The following DOCK8 variants were observed in gnomAD, a reference collection of about 807,000 sequenced individuals.
DOCK8 encodes the protein dedicator of cytokinesis 8.
Under a neutral mutation model 245.6 loss-of-function variants are expected in DOCK8, and 141 were observed. The observed-to-expected ratio is 0.57, with a 90% CI of 0.50 to 0.66. DOCK8 has a LOEUF of 0.66. Among genes scored for constraint, DOCK8 ranks in the 30% least tolerant of loss-of-function variants. The pLI, the probability that DOCK8 is intolerant of heterozygous loss-of-function variation, is 0.00. For missense variants in DOCK8, 2,965 were observed against 2,603.4 expected (o/e 1.14, Z -3.02); for synonymous variants, 1,168 against 970.2 (o/e 1.20, Z -3.79).
rs1478688170 is a variant in DOCK8 at position 328,158 on chromosome 9, A to T, written c.1031A>T (p.Tyr344Phe). ...FSVTYPSSDI[Y>F]LVVKIEKVLQ... ...GTCACCTACCCGTCCTCAGACATCT[A>T]CCTGGTAGTCAAGGTAATTCAGTAC... is the stretch of plus-strand genomic sequence containing the variant. The change falls in exon 9 of 48, where the codon TAC becomes TTC. Residue 344 changes from tyrosine to phenylalanine, a missense_variant. Physicochemically the swap from Tyr to Phe is conservative, Grantham distance 22. Transcript: ENST00000432829. 5 of 1,613,866 alleles carry T rather than the reference A, an allele frequency of 3.1e-6. No individual in the cohort carries two copies. The highest frequency in any genetic ancestry group is 3.3e-5 in the Admixed American group (2 of 60,000).
chr9:302,191 G>T (rs115931046), intron 4 of DOCK8, among the ~76,000 whole-genome samples: 1,571 of 152,242 alleles, frequency 0.01, 22 homozygotes, highest in African/African-American at 0.033. Context: ...CAGAAATAAA[G>T]CTGCACGCCT....
intron 20 of DOCK8, 152 bp downstream of exon 20, chr9:377,363 T>G (rs2053562270): frequency 1.4e-6 from 1 of 714,688 alleles, no homozygotes; most frequent in Admixed American, 3.0e-5. Flanking sequence ...TTATGCTATT[T>G]TTTTTTTGAG....
At chr9:375,771 C>G (rs994248025) in intron 18 of DOCK8, among the ~76,000 whole-genome samples, 2 of 152,120 alleles carry the variant, frequency 1.3e-5, no homozygotes, top group African/African-American at 2.4e-5. Flanking sequence ...CTGAAGTGGG[C>G]AGATCACTTG....
chr9:287,530 C>G (rs1481702469), intron 3 of DOCK8, among the ~76,000 whole-genome samples: 1 of 152,126 alleles, frequency 6.6e-6, no homozygotes, highest in South Asian at 2.1e-4. Flanking sequence ...CTGAGATATT[C>G]TAGTTCTATT....
At position 422,060 on chromosome 9, in the gene DOCK8, T is replaced by A; in HGVS notation, c.4166T>A (p.Phe1389Tyr). 6.2e-7 allele frequency: 1 copy of A among 1,614,056 alleles called. No homozygotes were observed. The highest frequency in any genetic ancestry group is 8.5e-7 in the Non-Finnish European group (1 of 1,179,976). The change falls in exon 33 of 48, where the codon TTT becomes TAT. Residue 1389 changes from phenylalanine to tyrosine, a missense_variant. Phe to Tyr is a conservative substitution (Grantham distance 22). Coordinates refer to ENST00000432829, the MANE Select transcript of DOCK8 (RefSeq NM_203447.4). ...MRRRAPGNDR[F>Y]PGLNENLRWK... ...TCTTAACTCCTAGGGAACGACCGAT[T>A]TCCAGGCCTAAATGAAAATTTGAGA...
chr9:347,025 A>G (rs766177278), intron 14 of DOCK8, among the ~76,000 whole-genome samples: 18 of 152,134 alleles, frequency 1.2e-4, no homozygotes, highest in Non-Finnish European at 2.5e-4. Flanking sequence ...TGCTAGGTGA[A>G]GGAAGGGTGG....
At chr9:276,973 A>C (rs1324253710) in intron 2 of DOCK8, 1 of 339,248 alleles carries the variant, frequency 2.9e-6, no homozygotes, top group East Asian at 1.1e-4. Flanking sequence ...CGCCTGGCTA[A>C]TTTTTGTATT....
intron 14 of DOCK8, among the ~76,000 whole-genome samples, chr9:341,726 G>C (rs1290595663): frequency 6.6e-6 from 1 of 152,198 alleles, no homozygotes; most frequent in South Asian, 2.1e-4. Context: ...CAACCCCCGG[G>C]CCATAGACCA....
intron 4 of DOCK8, 45 bp downstream of exon 4, chr9:289,626 A>G: frequency 2.7e-6 from 4 of 1,483,078 alleles, no homozygotes; most frequent in South Asian, 2.4e-5. Flanking sequence ...TATTAATTTT[A>G]TATTGCTAGT....
In DOCK8 at chr9:425,411, A is replaced by G. The variant is rs946198961; in HGVS notation, c.4242-1474A>G. On this transcript the variant is annotated intron_variant, in intron 33 of 47. Coordinates refer to ENST00000432829, the MANE Select transcript of DOCK8 (RefSeq NM_203447.4). Reference sequence around the variant, plus strand: ...GCCGGGCGCGGTGGCGGGCGCCTGTAGTCCCAGCTACTCGGGAGGCTGAAG... The same window carrying G: ...GCCGGGCGCGGTGGCGGGCGCCTGTGGTCCCAGCTACTCGGGAGGCTGAAG... Among the ~76,000 whole-genome samples the G allele has an allele frequency of 6.8e-4, 103 of 152,138 alleles. No individual in the cohort carries two copies. In the East Asian group the frequency reaches 7.4e-3, roughly 11 times the overall value.
Position 446,556 on chromosome 9 carries a change from C to G in DOCK8, c.5767C>G (p.His1923Asp). The change falls in exon 44 of 48, where the codon CAC becomes GAC. Residue 1923 changes from histidine (H) to aspartate (D), a missense_variant. Physicochemically the swap from His to Asp is moderately conservative, Grantham distance 81. Around this residue, in one of 3 missense-constraint regions of DOCK8, gnomAD observed 2,825 missense variants for 2,453.5 expected, o/e 1.15. Transcript: ENST00000432829. ...AAGGAACACAGTCCTGACCACTATG[C>G]ACGCCTTCCCCTACATCAAGACCAG... The part of the protein sequence containing the change: ...YRRNTVLTTM[H>D]AFPYIKTRIS... 6.2e-7 allele frequency: 1 copy of G among 1,614,242 alleles called. No homozygotes were observed. The highest frequency in any genetic ancestry group is 8.5e-7 in the Non-Finnish European group (1 of 1,180,034).
At chr9:258,690 C>T (rs1158400593) in intron 1 of DOCK8, among the ~76,000 whole-genome samples, 1 of 148,002 alleles carries the variant, frequency 6.8e-6, no homozygotes, top group Non-Finnish European at 1.5e-5. Context: ...CTCTGCCTCC[C>T]GGGTTCAAGC....
chr9:244,459 A>G (rs1176444369), intron 1 of DOCK8, among the ~76,000 whole-genome samples: 1 of 152,032 alleles, frequency 6.6e-6, no homozygotes, highest in Non-Finnish European at 1.5e-5. Context: ...TTTTATACGC[A>G]CAGAGCACTC....
chr9:425,490 C>T lies in DOCK8; in HGVS notation c.4242-1395C>T, dbSNP rs569386269. On this transcript the variant is annotated intron_variant, in intron 33 of 47. Coordinates refer to ENST00000432829, the MANE Select transcript of DOCK8 (RefSeq NM_203447.4). ...GAGCTTGCGGTGAGCCAAGATTGCG[C>T]CACTGCACTCTGCACTCCAGCCTGG... is the stretch of plus-strand genomic sequence containing the variant. Among the ~76,000 whole-genome samples the T allele has an allele frequency of 7.3e-4, 107 of 146,416 alleles. 1 individual carries two copies. In the South Asian group the frequency reaches 0.014, roughly 19 times the overall value.
At chr9:400,940 A>ATCACCACCT (rs2055011424) in intron 26 of DOCK8, among the ~76,000 whole-genome samples, 1 of 55,708 alleles carries the variant, frequency 1.8e-5, no homozygotes, top group Admixed American at 1.8e-4. Context: ...AACATCCACC[A>ATCACCACCT]CCACCATCAC....
At chr9:399,946 G>C (rs12342128) in intron 26 of DOCK8, among the ~76,000 whole-genome samples, 3,754 of 144,358 alleles carry the variant, frequency 0.026, 213 homozygotes, top group African/African-American at 0.099. Context: ...ATTCTCATTA[G>C]TCCCATGCCC....
chr9:371,405 TG>T (rs1053491674), intron 16 of DOCK8, 22 bp from the exon 17 acceptor site: 1 of 1,614,038 alleles, frequency 6.2e-7, no homozygotes, highest in Non-Finnish European at 8.5e-7. Flanking sequence ...AAGTTATTTG[TG>T]TATAATGTGC....
intron 26 of DOCK8, among the ~76,000 whole-genome samples, chr9:401,789 G>T (rs1234499237): frequency 1.3e-5 from 2 of 152,142 alleles, no homozygotes; most frequent in Non-Finnish European, 2.9e-5. Context: ...TCTAAAGGAA[G>T]TCCTGTCTAC....
At chr9:357,587 A>ATTTTTTTTTTTTTTTTTTTTTTTTTTTTT (rs112232586) in intron 14 of DOCK8, among the ~76,000 whole-genome samples, 1 of 147,380 alleles carries the variant, frequency 6.8e-6, no homozygotes, top group African/African-American at 2.5e-5. Flanking sequence ...ATTTGATACC[A>ATTTTTTTTTTTTTTTTTTTTTTTTTTTTT]TTTTTTTTTT....
Sources: gnomAD v4.1 joint callset for allele counts (sites outside exome capture counted in the v4.1 genomes callset) on GRCh38, gnomAD v4.1.1 for gene constraint, gnomAD v4.1.1 regional missense constraint, MANE v1.5 for transcripts, NCBI Gene and HGNC (gene_info 2026-07-23, HGNC 2026-07-21) for gene names.